SLC24A2: variants seen among roughly 807,000 people sequenced by gnomAD.
SLC24A2 encodes solute carrier family 24 member 2.
In SLC24A2, 36 loss-of-function variants were observed where a neutral mutation model predicts 62.0. The observed-to-expected ratio is 0.58, with a 90% CI of 0.44 to 0.77. SLC24A2 has a LOEUF of 0.77. Among genes scored for constraint, SLC24A2 ranks in the 30% least tolerant of loss-of-function variants. SLC24A2 has a pLI of 0.00. For missense variants in SLC24A2, 846 were observed against 817.9 expected (o/e 1.03, Z -0.42); for synonymous variants, 358 against 294.0 (o/e 1.22, Z -2.23).
intron 2 of SLC24A2, among the ~76,000 whole-genome samples, chr9:19,769,200 A>T (rs1360215496): frequency 6.6e-6 from 1 of 152,162 alleles, no homozygotes; most frequent in Non-Finnish European, 1.5e-5. Flanking sequence ...CAGGACAAAA[A>T]ATCTCAGTGT....
At chr9:19,706,379 C>CTTTTTTTT (rs34321235) in intron 2 of SLC24A2, among the ~76,000 whole-genome samples, 2 of 131,934 alleles carry the variant, frequency 1.5e-5, no homozygotes, top group African/African-American at 2.8e-5. Context: ...GGTCTTGAAT[C>CTTTTTTTT]TTTTTTTTTT....
At chr9:20,158,918 C>T in the SLC24A2 span, among the ~76,000 whole-genome samples, 1 of 151,600 alleles carries the variant, frequency 6.6e-6, no homozygotes, top group Non-Finnish European at 1.5e-5. Flanking sequence ...CTGATCAAGT[C>T]CTAGACTATC....
chr9:20,195,304 G>C, the SLC24A2 span, among the ~76,000 whole-genome samples: 1 of 152,032 alleles, frequency 6.6e-6, no homozygotes, highest in African/African-American at 2.4e-5. Context: ...CCCTACACTA[G>C]GCATTTATAG....
At chr9:20,039,928 A>G in the SLC24A2 span, among the ~76,000 whole-genome samples, 1 of 152,198 alleles carries the variant, frequency 6.6e-6, no homozygotes, top group Non-Finnish European at 1.5e-5. Flanking sequence ...AGGTCAAATG[A>G]TGGGTTCTAA....
the SLC24A2 span, among the ~76,000 whole-genome samples, chr9:20,181,878 T>C: frequency 6.6e-6 from 1 of 152,122 alleles, no homozygotes; most frequent in Non-Finnish European, 1.5e-5. Context: ...AATTTTGCAA[T>C]CTATCCATCT....
At chr9:19,869,954 C>A in the SLC24A2 span, among the ~76,000 whole-genome samples, 3 of 152,164 alleles carry the variant, frequency 2.0e-5, no homozygotes, top group African/African-American at 7.2e-5. Context: ...AAGGAACTTG[C>A]TTAGTCTTTC....
chr9:19,542,050 C>A (rs1353593011), intron 8 of SLC24A2, among the ~76,000 whole-genome samples: 1 of 152,218 alleles, frequency 6.6e-6, no homozygotes, highest in Admixed American at 6.5e-5. Flanking sequence ...GGCAATGCCT[C>A]GCCCTGCTTC....
the SLC24A2 span, among the ~76,000 whole-genome samples, chr9:20,254,369 C>T: frequency 2.0e-5 from 3 of 152,174 alleles, no homozygotes; most frequent in African/African-American, 7.2e-5. Context: ...CCACTGTGTG[C>T]CAGGCTCTGT....
the SLC24A2 span, among the ~76,000 whole-genome samples, chr9:20,165,834 A>T: frequency 7.9e-5 from 12 of 152,076 alleles, no homozygotes; most frequent in East Asian, 1.9e-3. Flanking sequence ...AAATAAACAC[A>T]CCAGAAACAA....
chr9:20,014,785 T>C, the SLC24A2 span, among the ~76,000 whole-genome samples: 66 of 152,238 alleles, frequency 4.3e-4, 1 homozygote, highest in South Asian at 0.011. Flanking sequence ...AAGTTTCAGA[T>C]AGACAGAAGG....
At chr9:19,728,974 A>C (rs1821255174) in intron 2 of SLC24A2, among the ~76,000 whole-genome samples, 1 of 152,210 alleles carries the variant, frequency 6.6e-6, no homozygotes, top group Non-Finnish European at 1.5e-5. Flanking sequence ...AGCCTGAGGT[A>C]GGCCATATTT....
At chr9:20,011,241 T>TC in the SLC24A2 span, among the ~76,000 whole-genome samples, 1 of 152,186 alleles carries the variant, frequency 6.6e-6, no homozygotes, top group Admixed American at 6.5e-5. Flanking sequence ...GTAAAAGTGT[T>TC]CCCATTTCTC....
intron 2 of SLC24A2, among the ~76,000 whole-genome samples, chr9:19,733,149 C>T (rs1821389265): frequency 6.6e-6 from 1 of 151,724 alleles, no homozygotes; most frequent in Non-Finnish European, 1.5e-5. Context: ...GTCCAAGTTT[C>T]CAGAACTACT....
At chr9:19,569,395 C>T (rs1265284080) in intron 7 of SLC24A2, among the ~76,000 whole-genome samples, 2 of 152,128 alleles carry the variant, frequency 1.3e-5, no homozygotes, top group African/African-American at 2.4e-5. Context: ...AATTGTCTTT[C>T]TATAAAACAA....
the SLC24A2 span, among the ~76,000 whole-genome samples, chr9:20,202,050 GGTGTGTGTGT>G: frequency 0.01 from 1,486 of 141,780 alleles, 24 homozygotes; most frequent in East Asian, 0.043. Context: ...CCCATTTCAT[GGTGTGTGTGT>G]GTGTGTGTGT....
the SLC24A2 span, among the ~76,000 whole-genome samples, chr9:19,961,950 T>G: frequency 6.6e-6 from 1 of 152,200 alleles, no homozygotes; most frequent in South Asian, 2.1e-4. Flanking sequence ...GATAAACCAC[T>G]CCTAGATTCT....
intron 2 of SLC24A2, among the ~76,000 whole-genome samples, chr9:19,636,290 T>TCTTCC: frequency 2.5e-5 from 1 of 40,346 alleles, no homozygotes; most frequent in African/African-American, 9.3e-5. Flanking sequence ...TCTTCTCTTC[T>TCTTCC]TTTCTTTTCT....
chr9:20,068,610 A>G, the SLC24A2 span, among the ~76,000 whole-genome samples: 1 of 152,138 alleles, frequency 6.6e-6, no homozygotes, highest in African/African-American at 2.4e-5. Flanking sequence ...GGATGCTTAT[A>G]TTGCCATAAA....
intron 5 of SLC24A2, among the ~76,000 whole-genome samples, chr9:19,592,071 C>G (rs1249797910): frequency 6.6e-6 from 1 of 152,170 alleles, no homozygotes; most frequent in Non-Finnish European, 1.5e-5. Context: ...TTCACTGCAA[C>G]TAAGAACATC....
Sources: gnomAD v4.1 joint callset for allele counts (sites outside exome capture counted in the v4.1 genomes callset) on GRCh38, gnomAD v4.1.1 for gene constraint, MANE v1.5 for transcripts, NCBI Gene and HGNC (gene_info 2026-07-23, HGNC 2026-07-21) for gene names.